The following CFAP299 variants were observed in gnomAD, a reference collection of about 807,000 sequenced individuals.
CFAP299 encodes the protein cilia- and flagella-associated protein 299.
CFAP299 carries 21 observed loss-of-function variants against 27.0 expected under a neutral mutation model. The observed-to-expected ratio is 0.78, with a 90% confidence interval of 0.55 to 1.12. The LOEUF is 1.12. CFAP299 is among the 50% of genes most tolerant of loss of function. The pLI is 0.00. For missense variants in CFAP299, 310 were observed against 276.6 expected (o/e 1.12, Z -0.86); for synonymous variants, 104 against 98.1 (o/e 1.06, Z -0.36).
At chr4:80,800,255 A>G (rs1200855753) in intron 3 of CFAP299, among the ~76,000 whole-genome samples, 1 of 74,856 alleles carries the variant, frequency 1.3e-5, no homozygotes, top group African/African-American at 5.6e-5. Flanking sequence ...TATAATATAT[A>G]TTATATAAAT....
At chr4:80,850,453 T>C (rs571043396) in intron 3 of CFAP299, among the ~76,000 whole-genome samples, 1 of 152,150 alleles carries the variant, frequency 6.6e-6, no homozygotes, top group South Asian at 2.1e-4. Flanking sequence ...ACTTTATTTC[T>C]TGGAAAACTT....
intron 3 of CFAP299, among the ~76,000 whole-genome samples, chr4:80,677,044 T>C (rs1361426092): frequency 6.6e-6 from 1 of 152,106 alleles, no homozygotes; most frequent in Non-Finnish European, 1.5e-5. Context: ...TTAGGTTGTT[T>C]ATTTGAAGTT....
chr4:80,927,496 C>T (rs537511139), intron 4 of CFAP299, among the ~76,000 whole-genome samples: 9 of 152,182 alleles, frequency 5.9e-5, no homozygotes, highest in East Asian at 3.9e-4. Context: ...TCATTTATCC[C>T]GTCACAGTTC....
At chr4:80,573,652 TA>T (rs1735705133) in intron 2 of CFAP299, among the ~76,000 whole-genome samples, 1 of 152,104 alleles carries the variant, frequency 6.6e-6, no homozygotes, top group Non-Finnish European at 1.5e-5. Flanking sequence ...TGGTGAGAGA[TA>T]GGGGTCTAGT....
intron 3 of CFAP299, among the ~76,000 whole-genome samples, chr4:80,824,494 C>T (rs531702432): frequency 1.1e-3 from 165 of 152,220 alleles, no homozygotes; most frequent in African/African-American, 3.7e-3. Context: ...TAAGCTCCTC[C>T]CCCTCTGACT....
intron 2 of CFAP299, among the ~76,000 whole-genome samples, chr4:80,395,678 A>G (rs1293409239): frequency 1.3e-5 from 2 of 152,128 alleles, no homozygotes. Context: ...TAGATAAAAG[A>G]TCTGATTTAA....
chr4:80,617,253 A>G lies in CFAP299; in HGVS notation c.333+34070A>G, dbSNP rs144946189. On this transcript the variant is annotated intron_variant, in intron 3 of 5. Transcript: ENST00000358105. ...AATGGGAAAATTTGGGAGTGTTTCT[A>G]TTTTAGTGGCCATGTTGTTGCTAAG... 8.1e-4 allele frequency among the ~76,000 whole-genome samples: 124 copies of G among 152,244 alleles called. No homozygotes were observed. The Middle Eastern group carries it at 0.034, about 42-fold the overall frequency.
At chr4:80,452,600 G>A (rs1452216679) in intron 2 of CFAP299, among the ~76,000 whole-genome samples, 1 of 152,142 alleles carries the variant, frequency 6.6e-6, no homozygotes, top group Non-Finnish European at 1.5e-5. Flanking sequence ...TGGAGCTAAA[G>A]CCACTATTGT....
chr4:80,406,013 T>A (rs1380837696), intron 2 of CFAP299, among the ~76,000 whole-genome samples: 3 of 152,132 alleles, frequency 2.0e-5, no homozygotes, highest in Non-Finnish European at 4.4e-5. Flanking sequence ...CTGTATCTAC[T>A]CCTCAGGATA....
intron 3 of CFAP299, among the ~76,000 whole-genome samples, chr4:80,640,308 G>A (rs750464073): frequency 6.6e-5 from 10 of 152,102 alleles, no homozygotes; most frequent in Non-Finnish European, 1.5e-4. Flanking sequence ...ATCAGAGCTG[G>A]CAAGAGGTGA....
At chr4:80,696,510 A>G (rs751317414) in intron 3 of CFAP299, among the ~76,000 whole-genome samples, 3 of 152,164 alleles carry the variant, frequency 2.0e-5, no homozygotes, top group Non-Finnish European at 4.4e-5. Context: ...AATAAAAATA[A>G]TAAATAAATA....
intron 1 of CFAP299, among the ~76,000 whole-genome samples, chr4:80,354,064 A>G (rs1384719885): frequency 6.6e-6 from 1 of 152,214 alleles, no homozygotes; most frequent in Non-Finnish European, 1.5e-5. Context: ...TTTATTACAC[A>G]CACAAAGTTG....
At chr4:80,812,846 T>TACA (rs1258209626) in intron 3 of CFAP299, among the ~76,000 whole-genome samples, 2 of 152,132 alleles carry the variant, frequency 1.3e-5, no homozygotes, top group Non-Finnish European at 2.9e-5. Flanking sequence ...TATTACTTAT[T>TACA]ACAAGGCATG....
In CFAP299 at chr4:80,887,893, A is replaced by G. The variant is rs565893175; in HGVS notation, c.476+17758A>G. Among the ~76,000 whole-genome samples the G allele has an allele frequency of 2.1e-3, 321 of 152,222 alleles. 1 individual carries two copies. Among genetic ancestry groups the G allele is most frequent in the Non-Finnish European group, 4.0e-3 (274 of 67,958 alleles). ...TGCCTGTTTGTATATAATCCGTATT[A>G]AGTTGTCATCAGCTTAAAATAATGG... On this transcript the variant is annotated intron_variant, in intron 4 of 5. Transcript: ENST00000358105.
chr4:80,345,261 T>C (rs1722666841), intron 1 of CFAP299, among the ~76,000 whole-genome samples: 1 of 151,768 alleles, frequency 6.6e-6, no homozygotes, highest in Middle Eastern at 3.4e-3. Context: ...AGCCCAACAG[T>C]TTCTTTTTGT....
At chr4:80,814,699 G>A (rs1729332688) in intron 3 of CFAP299, among the ~76,000 whole-genome samples, 1 of 151,426 alleles carries the variant, frequency 6.6e-6, no homozygotes, top group Non-Finnish European at 1.5e-5. Context: ...TAAAATAAAG[G>A]TATAAAAATC....
At chr4:80,905,411 G>T (rs1735132387) in intron 4 of CFAP299, among the ~76,000 whole-genome samples, 1 of 152,114 alleles carries the variant, frequency 6.6e-6, no homozygotes, top group Admixed American at 6.6e-5. Flanking sequence ...AGACTACAGG[G>T]CTGATTTCCA....
At chr4:80,330,393 C>G in the CFAP299 span, among the ~76,000 whole-genome samples, 1 of 152,158 alleles carries the variant, frequency 6.6e-6, no homozygotes, top group Non-Finnish European at 1.5e-5. Flanking sequence ...AGACAGACCA[C>G]AGCGTGGTCT....
intron 2 of CFAP299, among the ~76,000 whole-genome samples, chr4:80,575,642 T>G (rs1291359761): frequency 2.0e-5 from 3 of 152,176 alleles, no homozygotes; most frequent in African/African-American, 7.2e-5. Context: ...TCAATTTAAT[T>G]TATTTCTGAT....
Sources: allele counts gnomAD v4.1 joint callset (sites outside exome capture counted in the v4.1 genomes callset), GRCh38; gene constraint gnomAD v4.1.1; transcripts MANE v1.5; gene names NCBI Gene and HGNC (gene_info 2026-07-23, HGNC 2026-07-21).